Variants in NLGN4X observed in about 807,000 individuals in gnomAD.
NLGN4X encodes the protein neuroligin-4, X-linked.
Under a neutral mutation model 40.3 loss-of-function variants are expected in NLGN4X, and 3 were observed. The ratio of observed to expected loss-of-function variants is 0.07; its 90% CI spans 0.03 to 0.19. NLGN4X has a LOEUF of 0.19. Ranked by LOEUF, NLGN4X falls within the 10% of genes least tolerant of loss-of-function variation. The pLI, the probability that NLGN4X is intolerant of heterozygous loss-of-function variation, is 1.00. For synonymous variants in NLGN4X, 270 were observed against 306.8 expected, an observed-to-expected ratio of 0.88 and a Z score of 1.25; for missense variants, 382 against 708.3, an observed-to-expected ratio of 0.54 and a Z score of 5.23.
chrX:5,945,835 C>T (rs984579768), intron 3 of NLGN4X, among the ~76,000 whole-genome samples: 2 of 110,921 alleles, frequency 1.8e-5, no homozygotes, highest in African/African-American at 6.6e-5. Flanking sequence ...TGGCTCAATA[C>T]CTGGATGATG....
chrX:6,078,417 TG>T (rs201340329), intron 2 of NLGN4X, among the ~76,000 whole-genome samples: 2 of 111,202 alleles, frequency 1.8e-5, no homozygotes, highest in East Asian at 5.7e-4. Flanking sequence ...CTATGGGTAG[TG>T]GGGGGGTCTT....
intron 1 of NLGN4X, among the ~76,000 whole-genome samples, chrX:6,179,192 T>A (rs1010699312): frequency 9.2e-6 from 1 of 108,419 alleles, no homozygotes; most frequent in South Asian, 4.0e-4. Flanking sequence ...ATTGAGATAA[T>A]TTACAAAGCT....
intron 4 of NLGN4X, among the ~76,000 whole-genome samples, chrX:5,905,076 A>G (rs756207285): frequency 9.0e-6 from 1 of 110,719 alleles, no homozygotes; most frequent in South Asian, 3.9e-4. Flanking sequence ...ATGTCCAAAA[A>G]AAAAAAAACC....
chrX:6,150,831 T>A (rs1426146046), intron 2 of NLGN4X, among the ~76,000 whole-genome samples, 164 bp downstream of exon 2: 1 of 112,027 alleles, frequency 8.9e-6, no homozygotes, highest in Non-Finnish European at 1.9e-5. Flanking sequence ...GTGGAACATG[T>A]GGTAAGTTGC....
At chrX:6,107,414 G>C (rs1361550046) in intron 2 of NLGN4X, among the ~76,000 whole-genome samples, 1 of 111,583 alleles carries the variant, frequency 9.0e-6, no homozygotes, top group Non-Finnish European at 1.9e-5. Flanking sequence ...GTGAAAGATG[G>C]TGTGAATATG....
intron 3 of NLGN4X, among the ~76,000 whole-genome samples, chrX:5,965,012 G>A (rs1381642292): frequency 3.6e-5 from 4 of 111,769 alleles, no homozygotes; most frequent in Non-Finnish European, 7.5e-5. Flanking sequence ...ATAGAACACG[G>A]AACAGGCATA....
chrX:5,990,602 C>A (rs2035655341), intron 3 of NLGN4X, among the ~76,000 whole-genome samples: 1 of 111,981 alleles, frequency 8.9e-6, no homozygotes, highest in African/African-American at 3.2e-5. Context: ...CTTTTTCATG[C>A]ATTCACTATT....
intron 2 of NLGN4X, among the ~76,000 whole-genome samples, chrX:6,141,143 C>T (rs928717969): frequency 9.0e-6 from 1 of 111,242 alleles, no homozygotes; most frequent in African/African-American, 3.3e-5. Flanking sequence ...CACAACTTCT[C>T]GATTTCTGTT....
chrX:5,943,116 G>A, intron 3 of NLGN4X, among the ~76,000 whole-genome samples: 1 of 111,573 alleles, frequency 9.0e-6, no homozygotes. Context: ...TGGGAAAGGA[G>A]ACAAGAGGTA....
intron 3 of NLGN4X, among the ~76,000 whole-genome samples, chrX:5,969,434 C>T (rs1170187256): frequency 8.9e-6 from 1 of 111,755 alleles, no homozygotes; most frequent in Admixed American, 9.5e-5. Context: ...TGCTCATCAT[C>T]ACTGGCCACC....
At position 6,207,026 on chromosome X, in the gene NLGN4X, A is replaced by T. The variant is rs1490136657; in HGVS notation, c.-306+21515T>A. 3.9e-5 allele frequency among the ~76,000 whole-genome samples: 4 copies of T among 103,018 alleles called. No homozygotes were observed. The East Asian group carries it at 1.3e-3, about 33-fold the overall frequency. The allele number at this position is 103,018 out of a possible 115,157, so 89.5% of individuals were successfully genotyped here. A position where few individuals can be genotyped will look rare whatever the true frequency, so the allele number is the denominator to read the frequency against. On this transcript the variant is annotated intron_variant, in intron 1 of 5. Transcript: ENST00000381095. ...AAGTAGAACAATAAAATTGCACTAG[A>T]TTCTCTCTCTCTCTCTCTCACACAC...
chrX:5,975,612 CAAAAAAA>C lies in NLGN4X; in HGVS notation c.625+53661_625+53667del, dbSNP rs60917858. Among the ~76,000 whole-genome samples, 42 of 53,882 alleles carry C rather than the reference CAAAAAAA, an allele frequency of 7.8e-4. No individual in the cohort carries two copies. In the South Asian group the frequency reaches 0.041, roughly 52 times the overall value. The allele number at this position is 53,882 out of a possible 115,157, so 46.8% of individuals were successfully genotyped here. ...TGGGCGACAAAGCAAGACTCCGTTTCAAAAAAAAAAAAAAAAAGCAGTTTAAAAAATA... is the reference window on the plus strand; with the variant it reads ...TGGGCGACAAAGCAAGACTCCGTTTCAAAAAAAAAAGCAGTTTAAAAAATA... On this transcript the variant is annotated intron_variant, in intron 3 of 5. Transcript: ENST00000381095.
intron 1 of NLGN4X, among the ~76,000 whole-genome samples, chrX:6,172,632 C>G (rs142751157): frequency 0.022 from 2,472 of 111,691 alleles, 72 homozygotes; most frequent in African/African-American, 0.074. Context: ...TTGGTGTTGT[C>G]TGTGCTACCT....
At position 5,942,709 on chromosome X, in the gene NLGN4X, G is replaced by A. The variant is rs1223349588; in HGVS notation, c.626-33470C>T. Among the ~76,000 whole-genome samples, 3 of 109,763 alleles carry A rather than the reference G, an allele frequency of 2.7e-5. No individual in the cohort carries two copies. In the Admixed American group the frequency reaches 2.9e-4, roughly 11 times the overall value. ...GAAGAGGGGAGGGGAGAGAAGGGGA[G>A]GGAAGGGGAAAGGAAAAGCATGAGA... On this transcript the variant is annotated intron_variant, in intron 3 of 5. Transcript: ENST00000381095.
chrX:6,206,971 T>C (rs990538834), intron 1 of NLGN4X, among the ~76,000 whole-genome samples: 1 of 110,986 alleles, frequency 9.0e-6, no homozygotes, highest in Admixed American at 9.7e-5. Flanking sequence ...GTATTTTAGT[T>C]TCAATCACTA....
At chrX:6,017,613 GTTTGAT>G (rs1317078206) in intron 3 of NLGN4X, among the ~76,000 whole-genome samples, 8 of 111,663 alleles carry the variant, frequency 7.2e-5, no homozygotes, top group Non-Finnish European at 1.5e-4. Flanking sequence ...ACTTACAATG[GTTTGAT>G]TTATGATTTT....
chrX:6,129,446 C>A (rs776677250), intron 2 of NLGN4X, among the ~76,000 whole-genome samples: 4 of 111,615 alleles, frequency 3.6e-5, no homozygotes, highest in Non-Finnish European at 7.5e-5. Flanking sequence ...GCAGAGAAAC[C>A]ATATGAGAAA....
Position 5,977,088 on chromosome X carries a change from C to A in NLGN4X, c.625+52192G>T, listed in dbSNP as rs1398851664. 8.0e-5 allele frequency among the ~76,000 whole-genome samples: 9 copies of A among 112,713 alleles called. No individual in the cohort carries two copies. In the Admixed American group the frequency reaches 8.5e-4, roughly 11 times the overall value. On this transcript the variant is annotated intron_variant, in intron 3 of 5. Transcript: ENST00000381095. ...GTAAGGAAGCTGAACTAAAGAGATACACGTTTAGAAGTTTGTTGTAACAGT... is the reference window on the plus strand; with the variant it reads ...GTAAGGAAGCTGAACTAAAGAGATAAACGTTTAGAAGTTTGTTGTAACAGT...
intron 2 of NLGN4X, among the ~76,000 whole-genome samples, chrX:6,042,861 A>G (rs1460241057): frequency 9.7e-6 from 1 of 103,407 alleles, no homozygotes; most frequent in Non-Finnish European, 2.0e-5. Context: ...AGATCACCTG[A>G]GGCCAGGAGT....
Sources: allele counts gnomAD v4.1 joint callset (sites outside exome capture counted in the v4.1 genomes callset), GRCh38; gene constraint gnomAD v4.1.1; transcripts MANE v1.5; gene names NCBI Gene and HGNC (gene_info 2026-07-23, HGNC 2026-07-21).